The following IMMP2L variants were observed in gnomAD, a reference collection of about 807,000 sequenced individuals.
IMMP2L encodes mitochondrial inner membrane protease subunit 2.
A neutral mutation model predicts 19.3 loss-of-function variants in IMMP2L; 18 were observed. That is an observed-to-expected ratio of 0.93 (90% CI 0.64 to 1.38). The LOEUF is 1.38. IMMP2L is among the 40% of genes most tolerant of loss of function. IMMP2L has a pLI of 0.00. For synonymous variants in IMMP2L, 76 were observed against 73.0 expected, an observed-to-expected ratio of 1.04 and a Z score of -0.21; for missense variants, 233 against 218.2, an observed-to-expected ratio of 1.07 and a Z score of -0.43.
At chr7:111,047,191 T>C (rs1365303225) in intron 3 of IMMP2L, among the ~76,000 whole-genome samples, 4 of 151,928 alleles carry the variant, frequency 2.6e-5, no homozygotes, top group Non-Finnish European at 4.4e-5. Context: ...TTTTTGTTTT[T>C]TTTTTGTTTT....
chr7:110,679,619 G>T (rs1050420794), intron 5 of IMMP2L, among the ~76,000 whole-genome samples: 1 of 151,920 alleles, frequency 6.6e-6, no homozygotes, highest in Non-Finnish European at 1.5e-5. Context: ...AACGTATCTG[G>T]TACCCACTGC....
intron 3 of IMMP2L, among the ~76,000 whole-genome samples, chr7:111,001,965 C>A (rs972808592): frequency 6.6e-6 from 1 of 152,034 alleles, no homozygotes; most frequent in African/African-American, 2.4e-5. Flanking sequence ...CAAATACCAT[C>A]TAGGCATGTG....
At chr7:111,379,666 A>C (rs2131205047) in intron 3 of IMMP2L, among the ~76,000 whole-genome samples, 1 of 151,942 alleles carries the variant, frequency 6.6e-6, no homozygotes, top group African/African-American at 2.4e-5. Flanking sequence ...TGAAGGCTTA[A>C]GTTTCAAGAT....
At chr7:111,461,425 C>T (rs1840129477) in intron 3 of IMMP2L, among the ~76,000 whole-genome samples, 1 of 151,976 alleles carries the variant, frequency 6.6e-6, no homozygotes, top group Non-Finnish European at 1.5e-5. Flanking sequence ...CGCACAGGAA[C>T]ACACATTCTA....
At chr7:111,297,560 C>T (rs540781560) in intron 3 of IMMP2L, among the ~76,000 whole-genome samples, 1 of 152,086 alleles carries the variant, frequency 6.6e-6, no homozygotes, top group South Asian at 2.1e-4. Flanking sequence ...TCCATTCCTA[C>T]GTATTTACCA....
intron 3 of IMMP2L, among the ~76,000 whole-genome samples, chr7:111,421,506 T>TCG (rs111249439): frequency 0.022 from 3,258 of 151,092 alleles, 174 homozygotes; most frequent in African/African-American, 0.076. Context: ...TCTCCTGACC[T>TCG]TGATCCACCC....
At chr7:111,518,580 T>C (rs950157209) in intron 2 of IMMP2L, among the ~76,000 whole-genome samples, 11 of 152,112 alleles carry the variant, frequency 7.2e-5, no homozygotes, top group African/African-American at 2.2e-4. Context: ...TTTATCCCAA[T>C]TGTCAAAAAT....
At chr7:111,407,567 G>T (rs1834006769) in intron 3 of IMMP2L, among the ~76,000 whole-genome samples, 1 of 152,030 alleles carries the variant, frequency 6.6e-6, no homozygotes, top group Non-Finnish European at 1.5e-5. Context: ...ACCATTTATT[G>T]TGTGATTCTT....
chr7:110,812,925 T>C (rs937340271), intron 5 of IMMP2L, among the ~76,000 whole-genome samples: 10 of 152,028 alleles, frequency 6.6e-5, no homozygotes, highest in African/African-American at 2.4e-4. Flanking sequence ...TTTATTAAAA[T>C]ATACATACAT....
At chr7:111,315,145 C>T (rs1468645884) in intron 3 of IMMP2L, among the ~76,000 whole-genome samples, 2 of 152,100 alleles carry the variant, frequency 1.3e-5, no homozygotes, top group African/African-American at 2.4e-5. Context: ...ATTTGTGACG[C>T]TATCACAGTC....
Position 110,907,082 on chromosome 7 carries a change from C to A in IMMP2L, c.306-20387G>T, listed in dbSNP as rs140498493. ...GGGGGATGGGGGTTGGGGGTGCCCA[C>A]GACCCCTGAAGCCCCAGAAGGAGTG... On this transcript the variant is annotated intron_variant, in intron 4 of 5. Coordinates refer to ENST00000405709, the MANE Select transcript of IMMP2L (RefSeq NM_032549.4). Among the ~76,000 whole-genome samples the A allele has an allele frequency of 7.9e-5, 12 of 152,098 alleles. No homozygotes were observed. In the East Asian group the frequency reaches 2.3e-3, roughly 30 times the overall value.
chr7:110,680,931 T>G (rs1169591452), intron 5 of IMMP2L, among the ~76,000 whole-genome samples: 1 of 152,008 alleles, frequency 6.6e-6, no homozygotes. Context: ...TCTTGTGGAG[T>G]GGCATAGGGG....
intron 1 of IMMP2L, among the ~76,000 whole-genome samples, chr7:111,531,531 T>C (rs1847393815): frequency 6.6e-6 from 1 of 152,124 alleles, no homozygotes; most frequent in Non-Finnish European, 1.5e-5. Flanking sequence ...AAGTTTACCA[T>C]AAAAATTAAT....
intron 1 of IMMP2L, among the ~76,000 whole-genome samples, chr7:111,561,537 G>C (rs1257708210): frequency 6.6e-6 from 1 of 152,122 alleles, no homozygotes; most frequent in Non-Finnish European, 1.5e-5. Context: ...ATAGGGGCCG[G>C]AGACAGACAA....
intron 3 of IMMP2L, among the ~76,000 whole-genome samples, chr7:110,999,253 C>T (rs1823370446): frequency 6.7e-6 from 1 of 149,854 alleles, no homozygotes; most frequent in African/African-American, 2.4e-5. Flanking sequence ...GACAAATATC[C>T]TTCTTCAGGT....
At chr7:110,901,012 TCTC>T (rs1266353986) in intron 4 of IMMP2L, among the ~76,000 whole-genome samples, 12 of 151,926 alleles carry the variant, frequency 7.9e-5, no homozygotes, top group Non-Finnish European at 1.6e-4. Context: ...CACTTGCTGT[TCTC>T]TGCTTGGAAT....
intron 1 of IMMP2L, among the ~76,000 whole-genome samples, chr7:111,547,337 A>C (rs1279405831): frequency 6.6e-6 from 1 of 152,144 alleles, no homozygotes; most frequent in African/African-American, 2.4e-5. Flanking sequence ...CAATTTAAAC[A>C]ACCAGACAAT....
chr7:111,276,351 G>T (rs1244292648), intron 3 of IMMP2L, among the ~76,000 whole-genome samples: 1 of 152,070 alleles, frequency 6.6e-6, no homozygotes, highest in Non-Finnish European at 1.5e-5. Flanking sequence ...CTATTTGCTA[G>T]TATTTTGTTG....
intron 3 of IMMP2L, among the ~76,000 whole-genome samples, chr7:111,207,532 T>TG (rs1211714526): frequency 4.2e-5 from 6 of 144,282 alleles, no homozygotes; most frequent in Non-Finnish European, 7.5e-5. Context: ...GTTTTATTTT[T>TG]GGTTTTTTTT....
Sources: allele counts gnomAD v4.1 joint callset (sites outside exome capture counted in the v4.1 genomes callset), GRCh38; gene constraint gnomAD v4.1.1; transcripts MANE v1.5; gene names NCBI Gene and HGNC (gene_info 2026-07-23, HGNC 2026-07-21).